The following MTUS2 variants were observed in gnomAD, a reference collection of about 807,000 sequenced individuals.
MTUS2 encodes the protein microtubule-associated tumor suppressor candidate 2.
Under a neutral mutation model 114.1 loss-of-function variants are expected in MTUS2, and 40 were observed. The ratio of observed to expected loss-of-function variants is 0.35; its 90% CI spans 0.27 to 0.46. The LOEUF (loss-of-function observed/expected upper bound fraction) is 0.46, where lower values mean the gene tolerates loss of function less well. Ranked by LOEUF, MTUS2 falls within the 20% of genes least tolerant of loss-of-function variation. The pLI, the probability that MTUS2 is intolerant of heterozygous loss-of-function variation, is 1.00. For missense variants in MTUS2, 1,679 were observed against 1,705.4 expected (o/e 0.98, Z 0.27); for synonymous variants, 688 against 672.0 (o/e 1.02, Z -0.37).
At chr13:29,365,510 T>TTGGGTGTGTG (rs1555269729) in intron 8 of MTUS2, among the ~76,000 whole-genome samples, 2 of 146,822 alleles carry the variant, frequency 1.4e-5, no homozygotes, top group African/African-American at 5.0e-5. Flanking sequence ...TTGTTTGGGT[T>TTGGGTGTGTG]TGTGTGTGTG....
intron 5 of MTUS2, among the ~76,000 whole-genome samples, chr13:29,137,883 A>G (rs1367554310): frequency 6.6e-6 from 1 of 151,624 alleles, no homozygotes; most frequent in East Asian, 1.9e-4. Context: ...TGAATGTCCT[A>G]ATCTTTGATG....
At chr13:28,911,170 CTGCT>C (rs1399966816) in intron 2 of MTUS2, among the ~76,000 whole-genome samples, 1 of 140,844 alleles carries the variant, frequency 7.1e-6, no homozygotes, top group African/African-American at 2.7e-5. Flanking sequence ...CCACTGCGCC[CTGCT>C]TTTTTTTTTT....
At chr13:29,371,363 G>A (rs544196940) in intron 8 of MTUS2, among the ~76,000 whole-genome samples, 2 of 147,196 alleles carry the variant, frequency 1.4e-5, no homozygotes, top group Non-Finnish European at 3.0e-5. Context: ...GATTACAGGC[G>A]CCCGCCACCA....
intron 4 of MTUS2, among the ~76,000 whole-genome samples, chr13:29,039,893 C>T (rs1217701360): frequency 3.9e-5 from 6 of 152,180 alleles, no homozygotes; most frequent in Non-Finnish European, 7.3e-5. Flanking sequence ...CCATAATTTC[C>T]AGCCTTCCTA....
At chr13:29,456,682 G>A (rs1429344774) in intron 9 of MTUS2, among the ~76,000 whole-genome samples, 1 of 152,008 alleles carries the variant, frequency 6.6e-6, no homozygotes, top group African/African-American at 2.4e-5. Context: ...AATGAACAGA[G>A]CCCAGAAGGC....
chr13:29,205,401 TTTTG>T (rs145685545), intron 5 of MTUS2, among the ~76,000 whole-genome samples: 3,742 of 152,214 alleles, frequency 0.025, 151 homozygotes, highest in African/African-American at 0.085. Flanking sequence ...CTCTTTTCGC[TTTTG>T]TTTATTTTTT....
intron 2 of MTUS2, among the ~76,000 whole-genome samples, chr13:29,013,745 C>T (rs1885948564): frequency 6.6e-6 from 1 of 151,438 alleles, no homozygotes; most frequent in African/African-American, 2.4e-5. Flanking sequence ...TGGCCGCAGG[C>T]CAGCCTGATA....
chr13:28,849,587 A>T (rs1876113356), intron 2 of MTUS2, among the ~76,000 whole-genome samples: 1 of 152,174 alleles, frequency 6.6e-6, no homozygotes, highest in African/African-American at 2.4e-5. Flanking sequence ...GCACAGACAG[A>T]TATAACTACA....
chr13:29,361,586 G>A (rs921509648), intron 8 of MTUS2, among the ~76,000 whole-genome samples: 1 of 152,306 alleles, frequency 6.6e-6, no homozygotes, highest in Non-Finnish European at 1.5e-5. Context: ...ATTAGACCAG[G>A]AGGTGTGACA....
At chr13:29,200,550 T>G (rs549415568) in intron 5 of MTUS2, among the ~76,000 whole-genome samples, 47 of 113,672 alleles carry the variant, frequency 4.1e-4, no homozygotes, top group South Asian at 1.5e-3. Context: ...GATGGAGTTT[T>G]GCTCTTGTTG....
chr13:28,836,798 A>G (rs967070675), intron 1 of MTUS2, among the ~76,000 whole-genome samples: 5 of 152,150 alleles, frequency 3.3e-5, no homozygotes, highest in Admixed American at 3.3e-4. Context: ...GGTGTGGCTG[A>G]GCTGGAGCTG....
rs1883146738 is a variant in MTUS2 at position 29,505,107 on chromosome 13, G to A, written c.*1901G>A. The A allele has an allele frequency of 4.3e-6, 1 of 231,978 alleles. No homozygotes were observed. Among genetic ancestry groups the A allele is most frequent in the Non-Finnish European group, 8.5e-6 (1 of 117,144 alleles). The allele number at this position is 231,978 out of a possible 1,614,324, so 14.4% of individuals were successfully genotyped here. On this transcript the variant is annotated 3_prime_UTR_variant, in exon 16 of 16. Transcript: ENST00000612955. ...TGCTTTAGTGGCTCTGCATGATACT[G>A]TGATATTGAGTTGGGCATTCCATTA...
At chr13:28,877,601 C>T (rs1878024944) in intron 2 of MTUS2, among the ~76,000 whole-genome samples, 1 of 152,056 alleles carries the variant, frequency 6.6e-6, no homozygotes, top group South Asian at 2.1e-4. Flanking sequence ...CTCATCGAAA[C>T]TTGTTCAGTT....
Position 28,877,687 on chromosome 13 carries a change from A to G in MTUS2, c.-243+37837A>G, listed in dbSNP as rs1416616423. 2.0e-5 allele frequency among the ~76,000 whole-genome samples: 3 copies of G among 151,966 alleles called. No homozygotes were observed. In the East Asian group the frequency reaches 5.8e-4, roughly 29 times the overall value. On this transcript the variant is annotated intron_variant, in intron 2 of 15. Transcript: ENST00000612955. ...GTGATGATGATGCTTTGTTAAATGA[A>G]TCCATAAGAAGATACTCAGAAGCTT...
intron 5 of MTUS2, among the ~76,000 whole-genome samples, chr13:29,154,893 G>A (rs1470345698): frequency 1.3e-5 from 2 of 152,162 alleles, no homozygotes; most frequent in Non-Finnish European, 2.9e-5. Context: ...TTCAAAAAAA[G>A]AGAGTAAAGT....
At chr13:28,943,533 C>A (rs934838513) in intron 2 of MTUS2, among the ~76,000 whole-genome samples, 4 of 152,178 alleles carry the variant, frequency 2.6e-5, no homozygotes, top group African/African-American at 9.6e-5. Flanking sequence ...ACATTTCCAT[C>A]ATTGCAGCAA....
chr13:29,272,700 T>TC (rs1426107145), intron 5 of MTUS2, among the ~76,000 whole-genome samples: 4 of 152,266 alleles, frequency 2.6e-5, no homozygotes, highest in African/African-American at 7.2e-5. Flanking sequence ...CTCCCCACAG[T>TC]CCCAAAAATT....
chr13:29,031,363 A>T (rs1046623462), intron 3 of MTUS2, among the ~76,000 whole-genome samples: 4 of 151,908 alleles, frequency 2.6e-5, no homozygotes, highest in African/African-American at 9.7e-5. Flanking sequence ...ATATGTAGAG[A>T]CAGATATAGA....
intron 8 of MTUS2, among the ~76,000 whole-genome samples, chr13:29,428,280 T>C (rs185029111): frequency 1.7e-3 from 264 of 152,382 alleles, no homozygotes; most frequent in African/African-American, 6.0e-3. Context: ...TATTTTTACT[T>C]CCCAGAAAAA....
Sources: allele counts gnomAD v4.1 joint callset (sites outside exome capture counted in the v4.1 genomes callset), GRCh38; gene constraint gnomAD v4.1.1; transcripts MANE v1.5; gene names NCBI Gene and HGNC (gene_info 2026-07-23, HGNC 2026-07-21).